Variants in SLC20A2 observed in about 807,000 individuals in gnomAD.
SLC20A2 encodes sodium-dependent phosphate transporter 2.
SLC20A2 carries 30 observed loss-of-function variants against 61.0 expected under a neutral mutation model. That is an observed-to-expected ratio of 0.49 (90% CI 0.37 to 0.67). The LOEUF (loss-of-function observed/expected upper bound fraction) is 0.67. Ranked by LOEUF, SLC20A2 falls within the 30% of genes least tolerant of loss-of-function variation. The pLI is 0.00. For missense variants in SLC20A2, 626 were observed against 866.4 expected, an observed-to-expected ratio of 0.72 and a Z score of 3.48; for synonymous variants, 351 against 353.3, an observed-to-expected ratio of 0.99 and a Z score of 0.07.
intron 1 of SLC20A2, among the ~76,000 whole-genome samples, chr8:42,525,813 A>G (rs1033584411): frequency 9.9e-5 from 15 of 152,186 alleles, no homozygotes; most frequent in Non-Finnish European, 1.5e-5. Context: ...CCACGATGAT[A>G]GGGATATGGC....
intron 10 of SLC20A2, among the ~76,000 whole-genome samples, chr8:42,427,251 G>A (rs1345180841): frequency 1.3e-5 from 2 of 152,370 alleles, no homozygotes; most frequent in African/African-American, 4.8e-5. Context: ...TGAAGCTGGG[G>A]AAGCTTCTTG....
At chr8:42,456,776 G>C (rs1362305687) in intron 5 of SLC20A2, among the ~76,000 whole-genome samples, 1 of 149,276 alleles carries the variant, frequency 6.7e-6, no homozygotes, top group Non-Finnish European at 1.5e-5. Context: ...GATATCTCCC[G>C]TTACAGAGTT....
chr8:42,517,352 T>C (rs778114807), intron 1 of SLC20A2, among the ~76,000 whole-genome samples: 15 of 143,414 alleles, frequency 1.0e-4, no homozygotes, highest in African/African-American at 3.6e-4. Context: ...TGGGCAACTG[T>C]AGTGAGATCC....
At chr8:42,466,209 A>G (rs575286390) in intron 2 of SLC20A2, among the ~76,000 whole-genome samples, 5 of 152,220 alleles carry the variant, frequency 3.3e-5, no homozygotes, top group African/African-American at 9.6e-5. Flanking sequence ...ATCTTGGCTC[A>G]CTGCAACCTC....
chr8:42,484,430 C>T (rs1342072455), intron 1 of SLC20A2, among the ~76,000 whole-genome samples: 1 of 152,166 alleles, frequency 6.6e-6, no homozygotes, highest in African/African-American at 2.4e-5. Flanking sequence ...TGAGCACTGG[C>T]TTGATATTAT....
chr8:42,427,476 C>T (rs1466250685), intron 10 of SLC20A2, among the ~76,000 whole-genome samples: 1 of 152,184 alleles, frequency 6.6e-6, no homozygotes, highest in Non-Finnish European at 1.5e-5. Flanking sequence ...GTTCCGCCCC[C>T]ACAGGCTTGC....
intron 5 of SLC20A2, among the ~76,000 whole-genome samples, chr8:42,452,100 T>A (rs1397247421): frequency 7.6e-5 from 6 of 79,270 alleles, no homozygotes; most frequent in South Asian, 3.8e-4. Flanking sequence ...GAGGAAGAGA[T>A]GAAAGAGGAG....
chr8:42,511,187 C>T (rs996629332), intron 1 of SLC20A2, among the ~76,000 whole-genome samples: 4 of 152,182 alleles, frequency 2.6e-5, no homozygotes, highest in African/African-American at 9.7e-5. Context: ...ATAAGAGGCA[C>T]TTGAAGGGCA....
At chr8:42,505,098 A>ACC (rs751756548), upstream of SLC20A2, among the ~76,000 whole-genome samples, 3 of 47,104 alleles carry the variant, frequency 6.4e-5, no homozygotes, top group Non-Finnish European at 7.2e-5. Context: ...GGGACGCAAT[A>ACC]CCCCCCCAAC....
At chr8:42,418,792 A>T (rs1260340528) in intron 10 of SLC20A2, among the ~76,000 whole-genome samples, 1 of 151,656 alleles carries the variant, frequency 6.6e-6, no homozygotes, top group Non-Finnish European at 1.5e-5. Context: ...AGGTCAGGAG[A>T]TGGAGACCAT....
chr8:42,513,949 T>C (rs769011271), intron 1 of SLC20A2, among the ~76,000 whole-genome samples: 1 of 152,122 alleles, frequency 6.6e-6, no homozygotes, highest in Non-Finnish European at 1.5e-5. Context: ...AGCAGAAGTA[T>C]GTGTTCTGAA....
chr8:42,521,115 C>A (rs1049473935), intron 1 of SLC20A2, among the ~76,000 whole-genome samples: 10,219 of 121,000 alleles, frequency 0.084, 3,369 homozygotes, highest in Non-Finnish European at 0.14. Context: ...AGCATTTTTC[C>A]CACAGAAATG....
chr8:42,509,349 G>A (rs1035447808), intron 1 of SLC20A2, among the ~76,000 whole-genome samples: 5 of 152,112 alleles, frequency 3.3e-5, no homozygotes, highest in African/African-American at 1.2e-4. Flanking sequence ...CCTCCACTCA[G>A]TTAAAAGAAC....
chr8:42,459,235 CA>C (rs756966778), intron 5 of SLC20A2, among the ~76,000 whole-genome samples: 343 of 36,084 alleles, frequency 9.5e-3, no homozygotes, highest in African/African-American at 0.012. Context: ...GACTCTATCT[CA>C]AAAAAAAAAA....
chr8:42,528,562 G>T (rs1162189429), intron 1 of SLC20A2, among the ~76,000 whole-genome samples: 1 of 152,128 alleles, frequency 6.6e-6, no homozygotes, highest in African/African-American at 2.4e-5. Context: ...AAAAGTGGTT[G>T]AAAGCACAGG....
intron 1 of SLC20A2, among the ~76,000 whole-genome samples, chr8:42,478,401 AG>A (rs571487137): frequency 1.7e-3 from 253 of 151,952 alleles, no homozygotes; most frequent in Non-Finnish European, 3.1e-3. Context: ...TAGTAGAGAC[AG>A]GGTTTCACCA....
At chr8:42,537,675 A>G (rs1440406517) in intron 1 of SLC20A2, 2 of 152,194 alleles carry the variant, frequency 1.3e-5, no homozygotes, top group Non-Finnish European at 2.9e-5. Context: ...TTCAAACTTC[A>G]GTTTCTCTCC....
intron 2 of SLC20A2, among the ~76,000 whole-genome samples, chr8:42,471,568 A>C (rs748599663): frequency 1.3e-5 from 2 of 152,362 alleles, no homozygotes; most frequent in East Asian, 3.9e-4. Flanking sequence ...AGAGACCAGA[A>C]TTTCTTGAAA....
At chr8:42,541,471 G>A (rs917942878) in intron 1 of SLC20A2, 3 of 147,250 alleles carry the variant, frequency 2.0e-5, no homozygotes, top group African/African-American at 7.4e-5. Flanking sequence ...GGCGGCACTG[G>A]GGCCGCCGCT....
Sources: allele counts gnomAD v4.1 joint callset (sites outside exome capture counted in the v4.1 genomes callset), GRCh38; gene constraint gnomAD v4.1.1; transcripts MANE v1.5; gene names NCBI Gene and HGNC (gene_info 2026-07-23, HGNC 2026-07-21).